Variants in OXR1 observed in about 807,000 individuals in gnomAD.
The protein encoded by OXR1 is oxidation resistance protein 1.
Under a neutral mutation model 104.6 loss-of-function variants are expected in OXR1, and 41 were observed. That is an observed-to-expected ratio of 0.39 (90% CI 0.31 to 0.51). OXR1 has a LOEUF of 0.51. Ranked by LOEUF, OXR1 falls within the 20% of genes least tolerant of loss-of-function variation. OXR1 has a pLI of 0.77. For synonymous variants in OXR1, 348 were observed against 348.4 expected, an observed-to-expected ratio of 1.00 and a Z score of 0.01; for missense variants, 955 against 1,031.9, an observed-to-expected ratio of 0.93 and a Z score of 1.02.
At chr8:106,577,175 C>T (rs1351692321) in intron 3 of OXR1, among the ~76,000 whole-genome samples, 5 of 151,502 alleles carry the variant, frequency 3.3e-5, no homozygotes, top group African/African-American at 1.2e-4. Flanking sequence ...TATTGTCTCA[C>T]AGACCCAAAG....
chr8:106,415,820 T>C (rs1420600714), intron 2 of OXR1, among the ~76,000 whole-genome samples: 2 of 152,142 alleles, frequency 1.3e-5, no homozygotes, highest in Non-Finnish European at 2.9e-5. Flanking sequence ...TTTTTCCTTT[T>C]AACTAGATTG....
At chr8:106,584,126 C>CAA (rs57810749) in intron 3 of OXR1, among the ~76,000 whole-genome samples, 73,611 of 151,524 alleles carry the variant, frequency 0.49, 18,824 homozygotes, top group African/African-American at 0.64. Context: ...ATTCAGGAAA[C>CAA]AAATTTCTAG....
chr8:106,676,777 T>G (rs946560139), intron 3 of OXR1, among the ~76,000 whole-genome samples: 2 of 152,106 alleles, frequency 1.3e-5, no homozygotes, highest in African/African-American at 4.8e-5. Flanking sequence ...ATAGTTTATT[T>G]TATGTGCTTT....
chr8:106,637,983 T>A (rs1415396722), intron 3 of OXR1, among the ~76,000 whole-genome samples: 1 of 152,050 alleles, frequency 6.6e-6, no homozygotes. Context: ...GCCAGGATGG[T>A]CTTGATCTCC....
chr8:106,639,623 T>C (rs996145551), intron 3 of OXR1, among the ~76,000 whole-genome samples: 3 of 152,136 alleles, frequency 2.0e-5, no homozygotes, highest in African/African-American at 7.2e-5. Flanking sequence ...AGTTGGAATA[T>C]TTGAGATTTT....
chr8:106,688,434 C>A (rs1828957665), intron 6 of OXR1, among the ~76,000 whole-genome samples: 1 of 151,328 alleles, frequency 6.6e-6, no homozygotes, highest in African/African-American at 2.4e-5. Context: ...AAAAAAAATA[C>A]TTTTAAGAGA....
intron 1 of OXR1, among the ~76,000 whole-genome samples, chr8:106,309,885 C>A (rs960603217): frequency 5.3e-5 from 8 of 151,246 alleles, no homozygotes; most frequent in African/African-American, 1.9e-4. Flanking sequence ...AGAAAATGTA[C>A]CATTACTCTG....
At position 106,707,404 on chromosome 8, in the gene OXR1, AT is replaced by A. The variant is rs1333810142; in HGVS notation, c.1624+261del. The A allele has an allele frequency of 2.2e-5, 13 of 582,958 alleles. No individual in the cohort carries two copies. The Admixed American group carries it at 2.8e-4, about 12-fold the overall frequency. The allele number at this position is 582,958 out of a possible 1,614,324, so 36.1% of individuals were successfully genotyped here. ...CATTCTTGGCTCACTACATCGTATC[AT>A]TAAACAATTTATTTCTTGAGAAATT... On this transcript the variant is annotated intron_variant, in intron 9 of 16. Transcript: ENST00000517566.
At chr8:106,591,829 C>T (rs1039429202) in intron 3 of OXR1, among the ~76,000 whole-genome samples, 5 of 152,224 alleles carry the variant, frequency 3.3e-5, no homozygotes, top group African/African-American at 1.2e-4. Flanking sequence ...CAATCCATTT[C>T]TCTGAAAACA....
At chr8:106,742,778 A>G (rs1241560443) in intron 15 of OXR1, among the ~76,000 whole-genome samples, 1 of 152,164 alleles carries the variant, frequency 6.6e-6, no homozygotes, top group East Asian at 1.9e-4. Flanking sequence ...CCTTCCGTAA[A>G]CCATATACAA....
intron 2 of OXR1, among the ~76,000 whole-genome samples, chr8:106,458,328 G>A (rs552254115): frequency 6.6e-6 from 1 of 152,134 alleles, no homozygotes; most frequent in African/African-American, 2.4e-5. Flanking sequence ...CTGTGGCTCA[G>A]TTGGGCCTAG....
intron 3 of OXR1, among the ~76,000 whole-genome samples, chr8:106,569,453 T>C (rs1817310277): frequency 6.6e-6 from 1 of 151,946 alleles, no homozygotes; most frequent in Admixed American, 6.6e-5. Flanking sequence ...AAAATAAAAA[T>C]AAAAAACACA....
chr8:106,561,616 C>A (rs1816689258), intron 3 of OXR1, among the ~76,000 whole-genome samples: 1 of 152,170 alleles, frequency 6.6e-6, no homozygotes, highest in Non-Finnish European at 1.5e-5. Context: ...GCAGAGCGAT[C>A]GAGCTCTGCT....
chr8:106,622,402 C>G (rs1319248164), intron 3 of OXR1, among the ~76,000 whole-genome samples: 6 of 151,734 alleles, frequency 4.0e-5, no homozygotes, highest in Admixed American at 3.3e-4. Context: ...CTCCTTTGTC[C>G]AAACCCAAAG....
intron 3 of OXR1, among the ~76,000 whole-genome samples, chr8:106,563,059 G>T (rs1263028348): frequency 7.9e-5 from 12 of 152,086 alleles, no homozygotes; most frequent in Admixed American, 7.9e-4. Flanking sequence ...AGAAACTGCA[G>T]CAACTAATGG....
intron 11 of OXR1, among the ~76,000 whole-genome samples, chr8:106,721,918 G>A (rs1439956903): frequency 6.6e-6 from 1 of 152,134 alleles, no homozygotes; most frequent in Non-Finnish European, 1.5e-5. Context: ...TGATTGCCTT[G>A]TGGAGCCAGT....
chr8:106,448,350 A>C (rs1820116946), intron 2 of OXR1, among the ~76,000 whole-genome samples: 1 of 152,136 alleles, frequency 6.6e-6, no homozygotes, highest in South Asian at 2.1e-4. Flanking sequence ...CGTATTTTTA[A>C]ATGCTGTTTT....
intron 2 of OXR1, among the ~76,000 whole-genome samples, chr8:106,379,409 A>G (rs1817040483): frequency 6.6e-6 from 1 of 152,164 alleles, no homozygotes; most frequent in Non-Finnish European, 1.5e-5. Flanking sequence ...GAACATTATA[A>G]GCATGTAAGA....
Position 106,634,063 on chromosome 8 carries a change from G to C in OXR1, c.221-45147G>C, listed in dbSNP as rs146252970. Among the ~76,000 whole-genome samples, 8 of 152,136 alleles carry C rather than the reference G, an allele frequency of 5.3e-5. 1 individual carries two copies. The highest frequency in any genetic ancestry group is 1.9e-4 in the African/African-American group (8 of 41,498). On this transcript the variant is annotated intron_variant, in intron 3 of 16. Transcript: ENST00000517566. ...GGATGATTTTGAACCATTTTACATA[G>C]TACCATTTTGTTACAAAATTTCCAT...
Sources: gnomAD v4.1 joint callset for allele counts (sites outside exome capture counted in the v4.1 genomes callset) on GRCh38, gnomAD v4.1.1 for gene constraint, MANE v1.5 for transcripts, NCBI Gene and HGNC (gene_info 2026-07-23, HGNC 2026-07-21) for gene names.